LMNB1: variants seen among roughly 807,000 people sequenced by gnomAD.
LMNB1 encodes the protein lamin B1.
A neutral mutation model predicts 67.1 loss-of-function variants in LMNB1; 23 were observed. The ratio of observed to expected loss-of-function variants is 0.34; its 90% CI spans 0.25 to 0.49. LMNB1 has a LOEUF of 0.49. Ranked by LOEUF, LMNB1 falls within the 20% of genes least tolerant of loss-of-function variation. LMNB1 has a pLI of 0.99. For synonymous variants in LMNB1, 281 were observed against 282.9 expected, an observed-to-expected ratio of 0.99 and a Z score of 0.07; for missense variants, 634 against 746.5, an observed-to-expected ratio of 0.85 and a Z score of 1.76.
chr5:126,817,421 G>A (rs957475111), intron 5 of LMNB1, among the ~76,000 whole-genome samples: 2 of 152,114 alleles, frequency 1.3e-5, no homozygotes, highest in African/African-American at 4.8e-5. Context: ...ACTGCTTCTT[G>A]GCCCTCTCAC....
intron 8 of LMNB1, among the ~76,000 whole-genome samples, chr5:126,824,652 C>G (rs112433677): frequency 3.9e-5 from 6 of 152,320 alleles, no homozygotes; most frequent in African/African-American, 1.2e-4. Flanking sequence ...TAGGGAAACA[C>G]TAACATTCCA....
intron 9 of LMNB1, among the ~76,000 whole-genome samples, chr5:126,831,906 G>A (rs138625665): frequency 7.9e-5 from 12 of 152,230 alleles, no homozygotes; most frequent in East Asian, 7.7e-4. Flanking sequence ...CTAATTATGC[G>A]GAAATTTCAG....
intron 1 of LMNB1, among the ~76,000 whole-genome samples, chr5:126,803,055 G>A (rs971587730): frequency 1.1e-4 from 17 of 150,786 alleles, no homozygotes; most frequent in African/African-American, 3.9e-4. Context: ...GCCTAGTACC[G>A]CATGCCTGTA....
chr5:126,820,083 A>G (rs1283891695), intron 6 of LMNB1, among the ~76,000 whole-genome samples: 2 of 152,172 alleles, frequency 1.3e-5, no homozygotes, highest in Non-Finnish European at 1.5e-5. Flanking sequence ...TGGAGTTTGC[A>G]GTGAGCCAAG....
chr5:126,778,073 G>C (rs1156940447), intron 1 of LMNB1, among the ~76,000 whole-genome samples: 1 of 152,334 alleles, frequency 6.6e-6, no homozygotes, highest in South Asian at 2.1e-4. Flanking sequence ...TCGAGCTGTA[G>C]CGCTGGGGGG....
intron 1 of LMNB1, among the ~76,000 whole-genome samples, chr5:126,783,922 T>C (rs955204107): frequency 6.6e-5 from 10 of 151,986 alleles, no homozygotes; most frequent in African/African-American, 2.4e-4. Context: ...GGTCCCATTA[T>C]TTTTAGGATC....
intron 4 of LMNB1, among the ~76,000 whole-genome samples, chr5:126,810,581 G>C (rs1386505030): frequency 1.3e-5 from 2 of 152,128 alleles, no homozygotes; most frequent in Non-Finnish European, 2.9e-5. Flanking sequence ...TTAGAGGTTA[G>C]GTTTTGTCTT....
chr5:126,778,547 G>C (rs917843331), intron 1 of LMNB1, among the ~76,000 whole-genome samples: 1 of 152,220 alleles, frequency 6.6e-6, no homozygotes, highest in Non-Finnish European at 1.5e-5. Flanking sequence ...GGGCAAGTTA[G>C]GTTTGCTAGC....
In LMNB1 at chr5:126,819,009, G is replaced by A. The variant is rs1306965510; in HGVS notation, c.1027G>A (p.Glu343Lys). 1.2e-6 allele frequency: 2 copies of A among 1,612,806 alleles called. No homozygotes were observed. The highest frequency in any genetic ancestry group is 1.3e-5 in the African/African-American group (1 of 74,908). The part of the protein sequence containing the change: ...DNSRRMLTDK[E>K]REMAEIRDQM... The stretch of plus-strand genomic sequence containing the variant: ...CTCTCGTCGCATGCTGACAGACAAA[G>A]AGAGAGAGATGGCGGAAATAAGGGA... Residue 343 changes from glutamate (E) to lysine (K), a missense_variant, in exon 6 of 11, where the codon GAG becomes AAG. Glu to Lys is a moderately conservative substitution (Grantham distance 56). Coordinates refer to ENST00000261366, the MANE Select transcript of LMNB1 (RefSeq NM_005573.4).
chr5:126,833,868 T>C (rs1752190373), intron 10 of LMNB1, among the ~76,000 whole-genome samples: 1 of 152,188 alleles, frequency 6.6e-6, no homozygotes, highest in Admixed American at 6.5e-5. Context: ...TGGGTGATTA[T>C]TTGGTTATTG....
At chr5:126,830,190 C>T (rs1752099953) in intron 9 of LMNB1, among the ~76,000 whole-genome samples, 2 of 152,228 alleles carry the variant, frequency 1.3e-5, no homozygotes, top group African/African-American at 4.8e-5. Flanking sequence ...TGACTGAGCA[C>T]AGAGCTGTGC....
At chr5:126,800,982 A>ATATATATTTTTTTTTTTT in intron 1 of LMNB1, among the ~76,000 whole-genome samples, 2 of 18,632 alleles carry the variant, frequency 1.1e-4, no homozygotes, top group Admixed American at 9.5e-4. Context: ...TATATATATA[A>ATATATATTTTTTTTTTTT]TTTTTTTTTT....
intron 5 of LMNB1, among the ~76,000 whole-genome samples, chr5:126,812,919 C>T (rs1344736848): frequency 3.3e-5 from 5 of 151,676 alleles, no homozygotes; most frequent in Admixed American, 1.3e-4. Flanking sequence ...TTAGTAGAGA[C>T]GGGGTTTCAC....
At chr5:126,835,214 G>C (rs1752222745) in intron 10 of LMNB1, among the ~76,000 whole-genome samples, 1 of 152,190 alleles carries the variant, frequency 6.6e-6, no homozygotes, top group Non-Finnish European at 1.5e-5. Flanking sequence ...TGTGATCACA[G>C]AAACTAATGA....
chr5:126,825,778 A>G (rs1002736496), intron 8 of LMNB1, among the ~76,000 whole-genome samples: 6 of 152,124 alleles, frequency 3.9e-5, no homozygotes, highest in African/African-American at 1.2e-4. Context: ...AGGGTCTTAT[A>G]TATTATCATC....
intron 1 of LMNB1, among the ~76,000 whole-genome samples, chr5:126,787,250 C>CTA (rs1011697066): frequency 3.9e-5 from 6 of 151,914 alleles, no homozygotes; most frequent in Non-Finnish European, 7.4e-5. Context: ...ACAAGGACCG[C>CTA]TACCTAAGGC....
chr5:126,780,337 A>T (rs1416466931), intron 1 of LMNB1, among the ~76,000 whole-genome samples: 1 of 152,234 alleles, frequency 6.6e-6, no homozygotes, highest in African/African-American at 2.4e-5. Flanking sequence ...CAAGTAAAGA[A>T]AGATTGTCTT....
chr5:126,781,213 C>T (rs1414097326), intron 1 of LMNB1, among the ~76,000 whole-genome samples: 2 of 152,076 alleles, frequency 1.3e-5, no homozygotes, highest in Non-Finnish European at 2.9e-5. Context: ...TTGCTTGAAC[C>T]GGGGAGGCGG....
At chr5:126,788,905 GT>G (rs35987371) in intron 1 of LMNB1, among the ~76,000 whole-genome samples, 94,890 of 143,712 alleles carry the variant, frequency 0.66, 31,488 homozygotes, top group South Asian at 0.73. Flanking sequence ...TGTTTTTTTT[GT>G]TTTTTTTTTT....
Sources: gnomAD v4.1 joint callset for allele counts (sites outside exome capture counted in the v4.1 genomes callset) on GRCh38, gnomAD v4.1.1 for gene constraint, MANE v1.5 for transcripts, NCBI Gene and HGNC (gene_info 2026-07-23, HGNC 2026-07-21) for gene names.